ELP4: variants seen among roughly 807,000 people sequenced by gnomAD.
ELP4 encodes elongator acetyltransferase complex subunit 4, also known as elongator complex protein 4.
In ELP4, 51 loss-of-function variants were observed where a neutral mutation model predicts 48.9. The ratio of observed to expected loss-of-function variants is 1.04; its 90% CI spans 0.83 to 1.32. The LOEUF is 1.32. Ranked by LOEUF, ELP4 falls within the 40% of genes most tolerant of loss-of-function variation. The pLI is 0.00. For synonymous variants in ELP4, 210 were observed against 189.2 expected, an observed-to-expected ratio of 1.11 and a Z score of -0.90; for missense variants, 519 against 514.6, an observed-to-expected ratio of 1.01 and a Z score of -0.08.
chr11:31,696,749 C>T (rs1378138594), intron 9 of ELP4, among the ~76,000 whole-genome samples: 1 of 152,104 alleles, frequency 6.6e-6, no homozygotes, highest in East Asian at 1.9e-4. Flanking sequence ...GAAACTGCAT[C>T]AACTAATGAG....
chr11:31,666,675 G>C (rs867632480), intron 9 of ELP4, among the ~76,000 whole-genome samples: 1 of 136,918 alleles, frequency 7.3e-6, no homozygotes, highest in Non-Finnish European at 1.5e-5. Context: ...CTGGACGACA[G>C]AGTGAGATTC....
At chr11:31,636,277 G>A (rs989245444) in intron 7 of ELP4, among the ~76,000 whole-genome samples, 8 of 151,872 alleles carry the variant, frequency 5.3e-5, no homozygotes, top group African/African-American at 1.9e-4. Context: ...GTGGTTTCGG[G>A]CAGAAGTAGA....
At chr11:31,519,962 TA>T in intron 1 of ELP4, 93 bp from the exon 2 acceptor site, 1 of 1,173,660 alleles carries the variant, frequency 8.5e-7, no homozygotes, top group South Asian at 1.4e-5. Flanking sequence ...GTTTTAAAGT[TA>T]TTGAAGTGCC....
chr11:31,745,553 A>G (rs1289712429), intron 9 of ELP4, among the ~76,000 whole-genome samples: 1 of 152,172 alleles, frequency 6.6e-6, no homozygotes, highest in Non-Finnish European at 1.5e-5. Context: ...ATATAGACCA[A>G]TGGAACAGAA....
intron 7 of ELP4, among the ~76,000 whole-genome samples, chr11:31,634,811 T>A (rs770524793): frequency 9.2e-5 from 14 of 152,016 alleles, no homozygotes; most frequent in Non-Finnish European, 2.1e-4. Flanking sequence ...TAGCAAAATA[T>A]AGGGTCAGAT....
At chr11:31,603,296 A>G (rs1322469208) in intron 4 of ELP4, among the ~76,000 whole-genome samples, 1 of 151,910 alleles carries the variant, frequency 6.6e-6, no homozygotes, top group Non-Finnish European at 1.5e-5. Context: ...ATTCAGTTTT[A>G]AAATTATACT....
intron 5 of ELP4, among the ~76,000 whole-genome samples, chr11:31,606,164 T>G (rs1224801773): frequency 2.6e-5 from 4 of 152,194 alleles, no homozygotes; most frequent in Non-Finnish European, 5.9e-5. Context: ...AGTTAACTGA[T>G]AATTCATTTA....
Position 31,783,392 on chromosome 11 carries a change from G to A in ELP4, c.1144-1G>A, listed in dbSNP as rs1948424352. 6.2e-7 allele frequency: 1 copy of A among 1,608,744 alleles called. No homozygotes were observed. Among genetic ancestry groups the A allele is most frequent in the Admixed American group, 1.7e-5 (1 of 58,820 alleles). Reference sequence around the variant, plus strand: ...TCTTCTCCTGAAATCTTCTGCCATAGCGACTGCATTTGCCTCCAGACTTGT... The same window carrying A: ...TCTTCTCCTGAAATCTTCTGCCATAACGACTGCATTTGCCTCCAGACTTGT... On this transcript the variant is annotated splice_acceptor_variant, in intron 9 of 9. Coordinates refer to ENST00000640961, the MANE Select transcript of ELP4 (RefSeq NM_019040.5). LOFTEE classifies it high-confidence loss of function.
intron 9 of ELP4, among the ~76,000 whole-genome samples, chr11:31,701,079 T>C (rs1946512789): frequency 6.6e-6 from 1 of 152,264 alleles, no homozygotes; most frequent in South Asian, 2.1e-4. Context: ...TAGTGGCTAA[T>C]GTGTTTTTAA....
At chr11:31,647,318 T>G (rs1945221458) in intron 7 of ELP4, 2 of 162,256 alleles carry the variant, frequency 1.2e-5, no homozygotes, top group Admixed American at 1.2e-4. Context: ...TGCCCTATAC[T>G]TTATGCTGTA....
intron 9 of ELP4, among the ~76,000 whole-genome samples, chr11:31,694,247 TC>T (rs1946349741): frequency 6.6e-6 from 1 of 152,186 alleles, no homozygotes; most frequent in Non-Finnish European, 1.5e-5. Context: ...CATGCCTATG[TC>T]CTGAATGGTA....
intron 3 of ELP4, among the ~76,000 whole-genome samples, chr11:31,577,033 G>T (rs892389963): frequency 2.6e-5 from 4 of 151,932 alleles, no homozygotes; most frequent in Non-Finnish European, 5.9e-5. Context: ...CAACAAAATT[G>T]ATAAGCCACT....
At chr11:31,615,613 A>G (rs538299646) in intron 5 of ELP4, among the ~76,000 whole-genome samples, 45 of 151,680 alleles carry the variant, frequency 3.0e-4, no homozygotes, top group African/African-American at 1.1e-3. Flanking sequence ...TTTTTCCCCT[A>G]TCCCACTTTT....
At chr11:31,640,290 G>T (rs1031482255) in intron 7 of ELP4, among the ~76,000 whole-genome samples, 1 of 151,524 alleles carries the variant, frequency 6.6e-6, no homozygotes, top group African/African-American at 2.4e-5. Context: ...CTTTGGCATT[G>T]TAAGATATCT....
At position 31,783,843 on chromosome 11, in the gene ELP4, G is replaced by GTC; in HGVS notation, c.*320_*321dup. ...CATTTAGTGTCATGGTAAAGTGCAT[G>GTC]TCACAGCAGGTAGCATACAAAACAT... On this transcript the variant is annotated 3_prime_UTR_variant, in exon 10 of 10. Transcript: ENST00000640961. The GTC allele has an allele frequency of 5.3e-6, 1 of 190,268 alleles. No homozygotes were observed. Among genetic ancestry groups the GTC allele is most frequent in the Non-Finnish European group, 1.1e-5 (1 of 93,262 alleles). The allele number at this position is 190,268 out of a possible 1,614,324, so 11.8% of individuals were successfully genotyped here. A position where few individuals can be genotyped will look rare whatever the true frequency, so the allele number is the denominator to read the frequency against.
intron 9 of ELP4, among the ~76,000 whole-genome samples, chr11:31,667,301 G>C (rs1335127545): frequency 2.0e-5 from 3 of 152,080 alleles, no homozygotes; most frequent in Non-Finnish European, 4.4e-5. Flanking sequence ...ATTCCTTTTA[G>C]TATAGGGAGT....
At chr11:31,740,146 G>T (rs1264072884) in intron 9 of ELP4, among the ~76,000 whole-genome samples, 1 of 152,198 alleles carries the variant, frequency 6.6e-6, no homozygotes, top group Non-Finnish European at 1.5e-5. Flanking sequence ...CAGGCCTAGA[G>T]TTCGTCAGAT....
chr11:31,626,876 G>A (rs530808892), intron 5 of ELP4, among the ~76,000 whole-genome samples: 91 of 151,836 alleles, frequency 6.0e-4, no homozygotes, highest in Non-Finnish European at 1.0e-3. Context: ...AGTCTCCACA[G>A]GTTTTTATCT....
At chr11:31,577,615 C>T (rs1282615106) in intron 3 of ELP4, among the ~76,000 whole-genome samples, 1 of 152,024 alleles carries the variant, frequency 6.6e-6, no homozygotes, top group Non-Finnish European at 1.5e-5. Flanking sequence ...TTGTCTTCAT[C>T]CCTAGGATGC....
Sources: gnomAD v4.1 joint callset for allele counts (sites outside exome capture counted in the v4.1 genomes callset) on GRCh38, gnomAD v4.1.1 for gene constraint, MANE v1.5 for transcripts, NCBI Gene and HGNC (gene_info 2026-07-23, HGNC 2026-07-21) for gene names.